ATP8A2: variants seen among roughly 807,000 people sequenced by gnomAD.
The protein encoded by ATP8A2 is phospholipid-transporting ATPase IB.
In ATP8A2, 100 loss-of-function variants were observed where a neutral mutation model predicts 165.6. The ratio of observed to expected loss-of-function variants is 0.60; its 90% CI spans 0.51 to 0.71. ATP8A2 has a LOEUF of 0.71. ATP8A2 is among the 30% of genes least tolerant of loss of function. The pLI is 0.00. For synonymous variants in ATP8A2, 543 were observed against 548.8 expected, an observed-to-expected ratio of 0.99 and a Z score of 0.15; for missense variants, 1,227 against 1,479.5, an observed-to-expected ratio of 0.83 and a Z score of 2.80.
At chr13:25,696,028 T>A (rs145482938) in intron 24 of ATP8A2, among the ~76,000 whole-genome samples, 361 of 152,352 alleles carry the variant, frequency 2.4e-3, no homozygotes, top group African/African-American at 7.9e-3. Context: ...AAACTCTAAA[T>A]GACTCCTTGA....
chr13:25,832,289 C>T (rs747756283), intron 28 of ATP8A2, among the ~76,000 whole-genome samples: 1 of 152,152 alleles, frequency 6.6e-6, no homozygotes, highest in Admixed American at 6.5e-5. Flanking sequence ...AGGACCAATG[C>T]TGCTAGGATC....
intron 28 of ATP8A2, among the ~76,000 whole-genome samples, chr13:25,836,087 G>A (rs538679042): frequency 2.0e-5 from 3 of 152,322 alleles, no homozygotes; most frequent in Admixed American, 6.5e-5. Context: ...TCAAACAGGG[G>A]ACTTCTGTAT....
chr13:26,013,673 T>C (rs1395839256), intron 36 of ATP8A2, among the ~76,000 whole-genome samples: 1 of 21,350 alleles, frequency 4.7e-5, no homozygotes, highest in Non-Finnish European at 2.4e-4. Flanking sequence ...AAACTTGGTC[T>C]CAAAAAAAAA....
intron 24 of ATP8A2, among the ~76,000 whole-genome samples, chr13:25,649,299 T>C (rs1361413809): frequency 6.6e-6 from 1 of 152,174 alleles, no homozygotes; most frequent in Non-Finnish European, 1.5e-5. Flanking sequence ...CTGGCTGGAC[T>C]GAGCTTCACA....
chr13:25,559,479 C>A (rs1034574132), intron 14 of ATP8A2, among the ~76,000 whole-genome samples: 13 of 152,270 alleles, frequency 8.5e-5, no homozygotes, highest in Middle Eastern at 3.4e-3. Context: ...TTGCAGTGAG[C>A]CGGAATTGCT....
intron 18 of ATP8A2, 70 bp from the exon 19 acceptor site, chr13:25,574,738 C>T: frequency 1.1e-6 from 1 of 887,776 alleles, no homozygotes; most frequent in Non-Finnish European, 1.9e-6. Context: ...TCTGTTTATG[C>T]TTGGGAGACA....
At chr13:25,513,256 G>A (rs1435421417) in intron 2 of ATP8A2, among the ~76,000 whole-genome samples, 2 of 151,880 alleles carry the variant, frequency 1.3e-5, no homozygotes, top group Non-Finnish European at 2.9e-5. Flanking sequence ...CGGCTGGGCA[G>A]AGACGCTCCT....
intron 25 of ATP8A2, among the ~76,000 whole-genome samples, chr13:25,754,972 T>C (rs1465170598): frequency 1.3e-5 from 2 of 152,236 alleles, no homozygotes; most frequent in Admixed American, 1.3e-4. Flanking sequence ...TGCACCTTGA[T>C]TGGATTATTT....
intron 24 of ATP8A2, among the ~76,000 whole-genome samples, chr13:25,633,065 A>G (rs1356225991): frequency 6.6e-6 from 1 of 152,226 alleles, no homozygotes; most frequent in Non-Finnish European, 1.5e-5. Context: ...AAAGTATTGA[A>G]AAAGAAGATT....
intron 24 of ATP8A2, among the ~76,000 whole-genome samples, chr13:25,601,819 C>G (rs1368181123): frequency 2.0e-5 from 3 of 152,150 alleles, no homozygotes. Flanking sequence ...AAATGTGGGT[C>G]ACATATTTTA....
chr13:25,905,434 CTT>C (rs1491009094), intron 33 of ATP8A2, among the ~76,000 whole-genome samples: 4 of 152,116 alleles, frequency 2.6e-5, no homozygotes, highest in African/African-American at 4.8e-5. Flanking sequence ...CTCTCTCTCT[CTT>C]ACTTCCCTGT....
At chr13:25,594,800 A>G (rs1343286584) in intron 24 of ATP8A2, among the ~76,000 whole-genome samples, 1 of 152,156 alleles carries the variant, frequency 6.6e-6, no homozygotes, top group Non-Finnish European at 1.5e-5. Flanking sequence ...CTAAAAGTAG[A>G]ACTACCATTT....
intron 30 of ATP8A2, among the ~76,000 whole-genome samples, chr13:25,852,022 C>T (rs1420689252): frequency 6.6e-6 from 1 of 152,052 alleles, no homozygotes; most frequent in African/African-American, 2.4e-5. Context: ...CATATTGGTT[C>T]TCTCTCCTGA....
intron 1 of ATP8A2, among the ~76,000 whole-genome samples, chr13:25,377,102 A>G (rs2032657651): frequency 6.6e-6 from 1 of 152,246 alleles, no homozygotes; most frequent in African/African-American, 2.4e-5. Context: ...TGCCAGCTAG[A>G]CAAATGGAAT....
intron 24 of ATP8A2, among the ~76,000 whole-genome samples, chr13:25,635,620 A>G (rs2041349651): frequency 6.6e-6 from 1 of 152,228 alleles, no homozygotes; most frequent in Admixed American, 6.5e-5. Context: ...AAATGGTTTC[A>G]GGGAATGCTG....
chr13:25,970,226 C>A lies in ATP8A2; in HGVS notation c.3377+1547C>A, dbSNP rs371238856. 2.2e-4 allele frequency among the ~76,000 whole-genome samples: 33 copies of A among 152,252 alleles called. No individual in the cohort carries two copies. In the East Asian group the frequency reaches 5.6e-3, roughly 26 times the overall value. ...TCTAAGTAAAATGAGAATTTCAGAG[C>A]AAAACTCTCAAACTCCTCTCAAACA... On this transcript the variant is annotated intron_variant, in intron 35 of 36. Coordinates refer to ENST00000381655, the MANE Select transcript of ATP8A2 (RefSeq NM_016529.6).
intron 1 of ATP8A2, among the ~76,000 whole-genome samples, chr13:25,437,397 C>T (rs1394304441): frequency 6.6e-6 from 1 of 152,096 alleles, no homozygotes; most frequent in Non-Finnish European, 1.5e-5. Context: ...ACAAGGTTTC[C>T]ATGGTCCTGA....
chr13:25,469,296 T>C (rs1444112810), intron 2 of ATP8A2, among the ~76,000 whole-genome samples, 175 bp downstream of exon 2: 1 of 150,012 alleles, frequency 6.7e-6, no homozygotes, highest in African/African-American at 2.4e-5. Flanking sequence ...GCGCTTCCAG[T>C]AGGGTCATGC....
chr13:25,765,481 T>C (rs1004882962), intron 25 of ATP8A2, among the ~76,000 whole-genome samples: 21 of 152,202 alleles, frequency 1.4e-4, no homozygotes, highest in African/African-American at 5.1e-4. Flanking sequence ...AGTGGAGTGG[T>C]GCCTCTTCAT....
Sources: allele counts gnomAD v4.1 joint callset (sites outside exome capture counted in the v4.1 genomes callset), GRCh38; gene constraint gnomAD v4.1.1; transcripts MANE v1.5; gene names NCBI Gene and HGNC (gene_info 2026-07-23, HGNC 2026-07-21).